RANBP17: variants seen among roughly 807,000 people sequenced by gnomAD.
RANBP17 encodes the protein RAN binding protein 17.
Under a neutral mutation model 141.2 loss-of-function variants are expected in RANBP17, and 158 were observed. The ratio of observed to expected loss-of-function variants is 1.12; its 90% CI spans 0.98 to 1.28. RANBP17 has a LOEUF of 1.28. Ranked by LOEUF, RANBP17 falls within the 50% of genes most tolerant of loss-of-function variation. RANBP17 has a pLI of 0.00. For synonymous variants in RANBP17, 430 were observed against 450.0 expected, an observed-to-expected ratio of 0.96 and a Z score of 0.56; for missense variants, 1,438 against 1,290.7, an observed-to-expected ratio of 1.11 and a Z score of -1.75.
chr5:171,172,962 G>T (rs1312886834), intron 16 of RANBP17, among the ~76,000 whole-genome samples: 1 of 151,624 alleles, frequency 6.6e-6, no homozygotes, highest in African/African-American at 2.4e-5. Context: ...CTAGATAAAA[G>T]TTTAAAAGCT....
At chr5:171,111,167 T>C (rs1308793749) in intron 14 of RANBP17, among the ~76,000 whole-genome samples, 2 of 152,166 alleles carry the variant, frequency 1.3e-5, no homozygotes, top group Non-Finnish European at 2.9e-5. Flanking sequence ...TTGTATCTGC[T>C]GTTTTTTCAG....
intron 14 of RANBP17, among the ~76,000 whole-genome samples, chr5:171,127,830 T>G (rs933467084): frequency 1.3e-5 from 2 of 152,190 alleles, no homozygotes; most frequent in African/African-American, 4.8e-5. Flanking sequence ...AACTACCATG[T>G]GATTCAGCAA....
Position 171,183,272 on chromosome 5 carries a change from T to C in RANBP17, c.1929+42T>C, listed in dbSNP as rs1385956336. On this transcript the variant is annotated intron_variant, in intron 17 of 27. Coordinates refer to ENST00000523189, the MANE Select transcript of RANBP17 (RefSeq NM_022897.5). ...TAATTAATGAATAACATTTTACGAA[T>C]AGTTGAGGTAAAGTGTTAGTAACTT... 4 of 1,567,026 alleles carry C rather than the reference T, an allele frequency of 2.6e-6. No individual in the cohort carries two copies. The South Asian group carries it at 3.3e-5, about 13-fold the overall frequency.
intron 14 of RANBP17, among the ~76,000 whole-genome samples, chr5:171,005,233 GA>G (rs1779511058): frequency 1.3e-5 from 2 of 152,000 alleles, no homozygotes; most frequent in African/African-American, 4.8e-5. Flanking sequence ...CACAGAATTG[GA>G]AAAAACTACT....
intron 14 of RANBP17, among the ~76,000 whole-genome samples, chr5:171,088,415 C>T (rs1785879139): frequency 6.6e-6 from 1 of 152,052 alleles, no homozygotes; most frequent in African/African-American, 2.4e-5. Flanking sequence ...GCATTTCAAC[C>T]TTGGAGGATG....
At chr5:171,187,609 A>T (rs773495735) in intron 18 of RANBP17, among the ~76,000 whole-genome samples, 6 of 152,070 alleles carry the variant, frequency 3.9e-5, no homozygotes, top group Non-Finnish European at 7.4e-5. Flanking sequence ...CATGTAGGTA[A>T]TTTTTTCTAT....
rs541205141 is a variant in RANBP17 at position 171,286,086 on chromosome 5, G to C, written c.2944-7797G>C. The stretch of plus-strand genomic sequence containing the variant: ...TTTTTCCTTAGATGTAACAATGGTT[G>C]GAAGAGTTTCTTAATTTTTGAAGCA... On this transcript the variant is annotated intron_variant, in intron 25 of 27. Transcript: ENST00000523189. Among the ~76,000 whole-genome samples, 132 of 152,272 alleles carry C rather than the reference G, an allele frequency of 8.7e-4. 2 individuals carry two copies. Among genetic ancestry groups the C allele is most frequent in the African/African-American group, 3.0e-3 (126 of 41,552 alleles).
At chr5:171,276,238 C>CT (rs1184764090) in intron 25 of RANBP17, among the ~76,000 whole-genome samples, 1 of 152,154 alleles carries the variant, frequency 6.6e-6, no homozygotes, top group Non-Finnish European at 1.5e-5. Flanking sequence ...GACAGTACAT[C>CT]TTTTTGAATA....
At chr5:171,248,905 G>A (rs774080267) in intron 24 of RANBP17, among the ~76,000 whole-genome samples, 22 of 151,974 alleles carry the variant, frequency 1.4e-4, no homozygotes, top group African/African-American at 4.6e-4. Flanking sequence ...GAATCTGCTC[G>A]CCCACCCAGC....
chr5:171,208,476 C>T (rs1276065391), intron 20 of RANBP17, among the ~76,000 whole-genome samples: 1 of 152,158 alleles, frequency 6.6e-6, no homozygotes, highest in Non-Finnish European at 1.5e-5. Context: ...TAAAATTTTC[C>T]TAGATCATAC....
chr5:171,141,510 G>A (rs1757693732), intron 14 of RANBP17, among the ~76,000 whole-genome samples: 1 of 151,026 alleles, frequency 6.6e-6, no homozygotes, highest in African/African-American at 2.4e-5. Context: ...GGGAGGCGGA[G>A]GGAGGAGAAT....
Position 171,300,006 on chromosome 5 carries a change from T to C in RANBP17, c.*1148T>C, listed in dbSNP as rs1003907576. 1.7e-4 allele frequency: 31 copies of C among 184,860 alleles called. No homozygotes were observed. Among genetic ancestry groups the C allele is most frequent in the Non-Finnish European group, 2.9e-4 (25 of 87,038 alleles). The allele number at this position is 184,860 out of a possible 1,614,324, so 11.5% of individuals were successfully genotyped here. On this transcript the variant is annotated 3_prime_UTR_variant, in exon 28 of 28. Transcript: ENST00000523189. ...AATAAGTAAATCCACAGGCTCCTGT[T>C]GTAATCTCATTTCTCAGACTCATGT...
chr5:170,892,199 T>C (rs930451020), intron 3 of RANBP17, among the ~76,000 whole-genome samples, 188 bp from the exon 4 acceptor site: 1 of 151,550 alleles, frequency 6.6e-6, no homozygotes, highest in African/African-American at 2.4e-5. Context: ...GTTACATAGG[T>C]ATACATGTGC....
At chr5:171,154,971 G>A (rs904225439) in intron 14 of RANBP17, among the ~76,000 whole-genome samples, 12 of 151,104 alleles carry the variant, frequency 7.9e-5, no homozygotes, top group Non-Finnish European at 1.3e-4. Context: ...CCAGCTACTC[G>A]GGAGGCTGAG....
At chr5:171,011,006 C>G (rs1413912748) in intron 14 of RANBP17, among the ~76,000 whole-genome samples, 1 of 152,028 alleles carries the variant, frequency 6.6e-6, no homozygotes, top group African/African-American at 2.4e-5. Flanking sequence ...ACCACTCTTA[C>G]ATAAACATTC....
Position 171,299,754 on chromosome 5 carries a change from A to G in RANBP17, c.*896A>G, listed in dbSNP as rs776665312. On this transcript the variant is annotated 3_prime_UTR_variant, in exon 28 of 28. Transcript: ENST00000523189. ...AGAAATAGCTGGTTTCCAACTCTCC[A>G]CAAAAACTCTTATTACTGTTGGGAC... 1 of 226,656 alleles carries G rather than the reference A, an allele frequency of 4.4e-6. No homozygotes were observed. The highest frequency in any genetic ancestry group is 8.8e-6 in the Non-Finnish European group (1 of 113,866). 14.0% of individuals were successfully genotyped at this position (226,656 alleles called of 1,614,324 possible). A position where few individuals can be genotyped will look rare whatever the true frequency, so the allele number is the denominator to read the frequency against.
chr5:170,935,276 T>C (rs1320927435), intron 12 of RANBP17, among the ~76,000 whole-genome samples: 11 of 152,096 alleles, frequency 7.2e-5, no homozygotes, highest in Non-Finnish European at 1.5e-4. Context: ...TGAAGTTCGT[T>C]ATTACTGATC....
chr5:171,086,957 A>C (rs1369342296), intron 14 of RANBP17, among the ~76,000 whole-genome samples: 2 of 117,874 alleles, frequency 1.7e-5, no homozygotes, highest in African/African-American at 6.6e-5. Context: ...TTGTGTCTCT[A>C]TTTCCTTCAG....
At chr5:170,981,963 A>T (rs1777808683) in intron 14 of RANBP17, among the ~76,000 whole-genome samples, 2 of 152,176 alleles carry the variant, frequency 1.3e-5, no homozygotes, top group Non-Finnish European at 2.9e-5. Flanking sequence ...GATTAATTAT[A>T]TTCCCAGAAC....
Sources: allele counts gnomAD v4.1 joint callset (sites outside exome capture counted in the v4.1 genomes callset), GRCh38; gene constraint gnomAD v4.1.1; transcripts MANE v1.5; gene names NCBI Gene and HGNC (gene_info 2026-07-23, HGNC 2026-07-21).